Variants in SLC44A5 observed in about 807,000 individuals in gnomAD.
SLC44A5 encodes solute carrier family 44 member 5.
Under a neutral mutation model 101.8 loss-of-function variants are expected in SLC44A5, and 57 were observed. The ratio of observed to expected loss-of-function variants is 0.56; its 90% confidence interval spans 0.45 to 0.70. The LOEUF (loss-of-function observed/expected upper bound fraction) is 0.70. Ranked by LOEUF, SLC44A5 falls within the 30% of genes least tolerant of loss-of-function variation. The pLI is 0.00. For synonymous variants in SLC44A5, 281 were observed against 290.9 expected (o/e 0.97, Z 0.35); for missense variants, 737 against 853.1 (o/e 0.86, Z 1.70).
chr1:75,589,884 G>T (rs553052271), intron 1 of SLC44A5, among the ~76,000 whole-genome samples: 1 of 152,196 alleles, frequency 6.6e-6, no homozygotes, highest in East Asian at 1.9e-4. Flanking sequence ...TAGCCAGAGG[G>T]GAATTGTCCA....
At chr1:75,288,028 G>A (rs769615266) in intron 5 of SLC44A5, among the ~76,000 whole-genome samples, 2 of 152,132 alleles carry the variant, frequency 1.3e-5, no homozygotes, top group Non-Finnish European at 2.9e-5. Flanking sequence ...GCTGGATGGG[G>A]CCATGGAGCT....
Position 75,396,607 on chromosome 1 carries a change from T to A in SLC44A5, c.28A>T (p.Thr10Ser), listed in dbSNP as rs200976396. The stretch of plus-strand genomic sequence containing the variant: ...CCAAAGTCCTCTTCCTCAGAGGGAG[T>A]ATCTGCTGGTTTTTCTAGGAAAAAG... MNDTEKPAD[T>S]PSEEEDFGDP... The change falls in exon 3 of 24, where the codon ACT becomes TCT. Residue 10 changes from threonine (T) to serine (S), a missense_variant. By Grantham distance (58) the Thr-to-Ser change is moderately conservative (BLOSUM62 1). Around this residue, in one of 3 missense-constraint regions of SLC44A5, gnomAD observed 665 missense variants for 764.4 expected, o/e 0.87. Coordinates refer to ENST00000370859, the MANE Select transcript of SLC44A5 (RefSeq NM_001130058.2). 257 of 1,612,588 alleles carry A rather than the reference T, an allele frequency of 1.6e-4. No homozygotes were observed. Among genetic ancestry groups the A allele is most frequent in the Non-Finnish European group, 7.8e-5 (92 of 1,179,286 alleles).
chr1:75,245,047 C>T (rs1648986766), intron 7 of SLC44A5, among the ~76,000 whole-genome samples: 1 of 152,102 alleles, frequency 6.6e-6, no homozygotes. Context: ...TACACAAAGG[C>T]ATTTGGTGTG....
rs778950384 is a variant in SLC44A5, at chr1:75,238,588, G to T, written c.581C>A (p.Thr194Lys). Reference sequence around the variant, plus strand: ...TTGAAACATCATCTTACTTCCTATTGTTAAAGTGCCATTTTTGGTAGAGAA... The same window carrying T: ...TTGAAACATCATCTTACTTCCTATTTTTAAAGTGCCATTTTTGGTAGAGAA... The part of the protein sequence containing the change: ...PDFSTKNGTL[T>K]IGSKMMFQDG... Residue 194 changes from threonine (T) to lysine (K), a missense_variant, in exon 10 of 24, where the codon ACA becomes AAA. By Grantham distance (78) the Thr-to-Lys change is moderately conservative. Around this residue, in one of 3 missense-constraint regions of SLC44A5, gnomAD observed 665 missense variants for 764.4 expected, o/e 0.87. Coordinates refer to ENST00000370859, the MANE Select transcript of SLC44A5 (RefSeq NM_001130058.2). 1 of 1,588,808 alleles carries T rather than the reference G, an allele frequency of 6.3e-7. No individual in the cohort carries two copies. Among genetic ancestry groups the T allele is most frequent in the Non-Finnish European group, 8.6e-7 (1 of 1,166,556 alleles).
At chr1:75,528,960 G>C (rs914528180) in intron 2 of SLC44A5, among the ~76,000 whole-genome samples, 37 of 151,988 alleles carry the variant, frequency 2.4e-4, no homozygotes, top group African/African-American at 8.7e-4. Context: ...TAAGCAACTC[G>C]CTTCTGTGTA....
At chr1:75,417,908 G>A (rs1390702350) in intron 2 of SLC44A5, among the ~76,000 whole-genome samples, 1 of 152,182 alleles carries the variant, frequency 6.6e-6, no homozygotes, top group African/African-American at 2.4e-5. Context: ...CAATCAGAAT[G>A]TTTTGTAGTA....
At chr1:75,550,528 G>A (rs904395586) in intron 1 of SLC44A5, among the ~76,000 whole-genome samples, 1 of 151,832 alleles carries the variant, frequency 6.6e-6, no homozygotes, top group Admixed American at 6.6e-5. Context: ...CTTCTAAAAT[G>A]GCAAACATGA....
At chr1:75,317,374 A>G (rs749201814) in intron 4 of SLC44A5, among the ~76,000 whole-genome samples, 3 of 152,234 alleles carry the variant, frequency 2.0e-5, no homozygotes, top group Non-Finnish European at 4.4e-5. Flanking sequence ...CCAGAGACAT[A>G]GTGTTCTGAT....
At chr1:75,286,052 G>T (rs772638268) in intron 5 of SLC44A5, among the ~76,000 whole-genome samples, 2 of 151,940 alleles carry the variant, frequency 1.3e-5, no homozygotes, top group Non-Finnish European at 2.9e-5. Flanking sequence ...GACCTGTTTC[G>T]TGCTGTCAGT....
chr1:75,365,460 T>C (rs903046337), intron 3 of SLC44A5, among the ~76,000 whole-genome samples: 1 of 152,218 alleles, frequency 6.6e-6, no homozygotes, highest in African/African-American at 2.4e-5. Context: ...CTAAGGATGA[T>C]GGCCTCCAGC....
intron 4 of SLC44A5, among the ~76,000 whole-genome samples, chr1:75,331,111 C>T (rs1657023324): frequency 6.6e-6 from 1 of 151,788 alleles, no homozygotes; most frequent in Non-Finnish European, 1.5e-5. Context: ...TGTTCTTGGG[C>T]CTCTCCTCCA....
chr1:75,609,383 T>C (rs1252172016), intron 1 of SLC44A5, among the ~76,000 whole-genome samples: 1 of 152,040 alleles, frequency 6.6e-6, no homozygotes, highest in Non-Finnish European at 1.5e-5. Context: ...ATATACACAT[T>C]GTGGAATGGC....
chr1:75,471,185 T>G (rs576509349), intron 2 of SLC44A5, among the ~76,000 whole-genome samples: 1 of 152,250 alleles, frequency 6.6e-6, no homozygotes, highest in East Asian at 1.9e-4. Context: ...TTCATAAAAT[T>G]AATGGCTTGT....
chr1:75,417,081 C>T (rs1434980422), intron 2 of SLC44A5, among the ~76,000 whole-genome samples: 1 of 151,978 alleles, frequency 6.6e-6, no homozygotes, highest in Non-Finnish European at 1.5e-5. Context: ...TGGGAAGGGC[C>T]AAAACGATAT....
intron 2 of SLC44A5, among the ~76,000 whole-genome samples, chr1:75,422,413 G>A (rs1557768862): frequency 1.3e-5 from 2 of 152,114 alleles, no homozygotes; most frequent in Non-Finnish European, 2.9e-5. Flanking sequence ...GTGAATAATT[G>A]GCAACAAATA....
intron 3 of SLC44A5, among the ~76,000 whole-genome samples, chr1:75,351,124 T>G (rs540240649): frequency 1.3e-5 from 2 of 151,420 alleles, no homozygotes; most frequent in South Asian, 4.2e-4. Flanking sequence ...ATAAAGAGGG[T>G]CATTTCATAA....
intron 2 of SLC44A5, among the ~76,000 whole-genome samples, chr1:75,434,649 T>C (rs1664787782): frequency 6.6e-6 from 1 of 152,142 alleles, no homozygotes; most frequent in Non-Finnish European, 1.5e-5. Flanking sequence ...GGCCGGGTCC[T>C]AACCTACTGT....
chr1:75,257,232 A>G (rs635184), intron 6 of SLC44A5, among the ~76,000 whole-genome samples: 126,252 of 152,168 alleles, frequency 0.83, 52,670 homozygotes, highest in East Asian at 0.95. Flanking sequence ...TTTGTGAGAT[A>G]TTTTTGCCAT....
the SLC44A5 span, among the ~76,000 whole-genome samples, chr1:75,683,256 G>T: frequency 6.6e-6 from 1 of 152,014 alleles, no homozygotes. Flanking sequence ...CCATGACTGG[G>T]TATATACCCA....
Sources: gnomAD v4.1 joint callset for allele counts (sites outside exome capture counted in the v4.1 genomes callset) on GRCh38, gnomAD v4.1.1 for gene constraint, gnomAD v4.1.1 regional missense constraint, MANE v1.5 for transcripts, NCBI Gene and HGNC (gene_info 2026-07-23, HGNC 2026-07-21) for gene names.